The following UBOX5 variants were observed in gnomAD, a reference collection of about 807,000 sequenced individuals.
The protein encoded by UBOX5 is RING finger protein 37.
UBOX5 carries 28 observed loss-of-function variants against 39.0 expected under a neutral mutation model. The observed-to-expected ratio is 0.72, with a 90% CI of 0.53 to 0.98. The LOEUF (loss-of-function observed/expected upper bound fraction) is 0.98. Ranked by LOEUF, UBOX5 falls within the 50% of genes least tolerant of loss-of-function variation. The pLI is 0.00. For missense variants in UBOX5, 585 were observed against 674.4 expected (o/e 0.87, Z 1.47); for synonymous variants, 283 against 275.5 (o/e 1.03, Z -0.27).
chr20:3,110,133 G>C lies in UBOX5; in HGVS notation c.1599C>G (p.Ser533Arg). The C allele has an allele frequency of 6.2e-7, 1 of 1,612,610 alleles. No individual in the cohort carries two copies. Among genetic ancestry groups the C allele is most frequent in the Non-Finnish European group, 8.5e-7 (1 of 1,180,026 alleles). Residue 533 changes from serine to arginine, a missense_variant, in exon 5 of 5, where the codon AGC (serine) becomes AGG (arginine). Coordinates refer to ENST00000217173, the MANE Select transcript of UBOX5 (RefSeq NM_014948.4). ...TCTACQRPVA[S>R]QDVLRVHF is the part of the protein sequence containing the mutation. ...AGAAGTGGACCCGCAGCACGTCTTG[G>C]CTAGCAACCGGCCGCTGGCAGGCTG...
chr20:3,134,485 G>A (rs759678819), intron 1 of UBOX5, among the ~76,000 whole-genome samples: 1 of 151,676 alleles, frequency 6.6e-6, no homozygotes, highest in Middle Eastern at 3.2e-3. Flanking sequence ...TTGAACCCGG[G>A]AGGTGGAGGT....
Position 3,109,867 on chromosome 20 carries a change from CA to C in UBOX5, c.*238del, listed in dbSNP as rs1443096852. 1.7e-5 allele frequency: 10 copies of C among 583,160 alleles called. No individual in the cohort carries two copies. The highest frequency in any genetic ancestry group is 9.4e-5 in the African/African-American group (5 of 53,454). 36.1% of individuals were successfully genotyped at this position (583,160 alleles called of 1,614,324 possible). ...GGCTCCAGTGGGTCCTGGGCTCAGGCAGGGGGGGTGGCAGGGAGGCAGGGAC... is the reference window on the plus strand; with the variant it reads ...GGCTCCAGTGGGTCCTGGGCTCAGGCGGGGGGGTGGCAGGGAGGCAGGGAC... On this transcript the variant is annotated 3_prime_UTR_variant, in exon 5 of 5. Transcript: ENST00000217173.
chr20:3,135,126 T>C (rs1198970873), intron 1 of UBOX5, among the ~76,000 whole-genome samples: 2 of 152,182 alleles, frequency 1.3e-5, no homozygotes, highest in Non-Finnish European at 2.9e-5. Context: ...ATGCATTTCT[T>C]ATTGTGACTT....
At chr20:3,157,593 T>C (rs2066699598) in intron 1 of UBOX5, among the ~76,000 whole-genome samples, 1 of 152,202 alleles carries the variant, frequency 6.6e-6, no homozygotes, top group Admixed American at 6.5e-5. Flanking sequence ...GAGCTACTGC[T>C]TTTAAAGGGT....
chr20:3,119,086 T>C (rs1014087663), intron 3 of UBOX5, among the ~76,000 whole-genome samples: 1 of 152,194 alleles, frequency 6.6e-6, no homozygotes, highest in Admixed American at 6.5e-5. Flanking sequence ...ACAAATACCT[T>C]GGGAAAAATA....
At chr20:3,147,740 G>T in intron 1 of UBOX5, 1 of 1,614,172 alleles carries the variant, frequency 6.2e-7, no homozygotes, top group Non-Finnish European at 8.5e-7. Context: ...TGCATTGGGT[G>T]GCTTATAATT....
chr20:3,148,952 C>T lies in UBOX5; in HGVS notation c.-42+10814G>A, dbSNP rs1245364476. 29 of 1,614,054 alleles carry T rather than the reference C, an allele frequency of 1.8e-5. No homozygotes were observed. Among genetic ancestry groups the T allele is most frequent in the Non-Finnish European group, 2.1e-5 (25 of 1,180,058 alleles). On this transcript the variant is annotated intron_variant, in intron 1 of 4. Coordinates refer to ENST00000217173, the MANE Select transcript of UBOX5 (RefSeq NM_014948.4). Reference sequence around the variant, plus strand: ...GCTAATGTGTTCTGGAGGGTCCTGTCCCCCATGCTGTGTGCTGCTCACATT... The same window carrying T: ...GCTAATGTGTTCTGGAGGGTCCTGTTCCCCATGCTGTGTGCTGCTCACATT...
chr20:3,117,927 G>T (rs1171751900), intron 3 of UBOX5, among the ~76,000 whole-genome samples: 1 of 152,104 alleles, frequency 6.6e-6, no homozygotes, highest in Non-Finnish European at 1.5e-5. Context: ...GGGAGGCGGA[G>T]GTTGCAGTGA....
chr20:3,129,443 G>T (rs2066413611), intron 1 of UBOX5, among the ~76,000 whole-genome samples: 1 of 152,118 alleles, frequency 6.6e-6, no homozygotes, highest in African/African-American at 2.4e-5. Flanking sequence ...GGACATATCA[G>T]GTGATAACCA....
chr20:3,133,323 C>T (rs1318567229), intron 1 of UBOX5, among the ~76,000 whole-genome samples: 2 of 152,160 alleles, frequency 1.3e-5, no homozygotes, highest in African/African-American at 2.4e-5. Context: ...CCCAGAAAGA[C>T]GGCCTCCCTA....
intron 3 of UBOX5, among the ~76,000 whole-genome samples, chr20:3,119,757 G>A (rs948040054): frequency 1.3e-5 from 2 of 152,158 alleles, no homozygotes; most frequent in East Asian, 3.9e-4. Flanking sequence ...GGGAGGCTGA[G>A]GCAGGAGAAT....
At chr20:3,112,151 G>A (rs1226565264) in intron 4 of UBOX5, among the ~76,000 whole-genome samples, 1 of 151,804 alleles carries the variant, frequency 6.6e-6, no homozygotes, top group African/African-American at 2.4e-5. Flanking sequence ...GAATGAAGGT[G>A]GGGAGGGAGG....
chr20:3,123,431 AT>A, intron 1 of UBOX5, 25 bp from the exon 2 acceptor site: 1 of 1,492,182 alleles, frequency 6.7e-7, no homozygotes, highest in Non-Finnish European at 9.2e-7. Context: ...AAAACTATGT[AT>A]TAGAAAATGT....
intron 1 of UBOX5, chr20:3,148,197 G>A (rs760731320): frequency 9.9e-6 from 16 of 1,613,776 alleles, no homozygotes; most frequent in East Asian, 2.2e-5. Flanking sequence ...GATACCTGAC[G>A]ATTTTCACCT....
chr20:3,145,838 G>C (rs6037489), intron 1 of UBOX5, among the ~76,000 whole-genome samples: 3,735 of 152,220 alleles, frequency 0.025, 62 homozygotes, highest in Middle Eastern at 0.075. Flanking sequence ...CTGAGGTCAG[G>C]AGTGTGAGAC....
At chr20:3,148,606 T>C (rs762259637) in intron 1 of UBOX5, 1 of 1,614,170 alleles carries the variant, frequency 6.2e-7, no homozygotes, top group Non-Finnish European at 8.5e-7. Flanking sequence ...GGAGATTATT[T>C]TGATTAACTC....
At chr20:3,123,960 G>T (rs887441703) in intron 1 of UBOX5, among the ~76,000 whole-genome samples, 65 of 152,162 alleles carry the variant, frequency 4.3e-4, no homozygotes, top group African/African-American at 1.3e-3. Context: ...GGCTGAGGTG[G>T]TAGGACTGCT....
intron 1 of UBOX5, among the ~76,000 whole-genome samples, chr20:3,141,086 T>C (rs1444193181): frequency 6.6e-6 from 1 of 151,762 alleles, no homozygotes; most frequent in Admixed American, 6.6e-5. Context: ...GCCCGGCTAA[T>C]TTCTGTATTT....
chr20:3,151,686 T>C (rs2066626708), intron 1 of UBOX5: 1 of 151,774 alleles, frequency 6.6e-6, no homozygotes, highest in South Asian at 2.1e-4. Context: ...GGAAAAACTA[T>C]AGAAAAATAG....
Sources: gnomAD v4.1 joint callset for allele counts (sites outside exome capture counted in the v4.1 genomes callset) on GRCh38, gnomAD v4.1.1 for gene constraint, MANE v1.5 for transcripts, NCBI Gene and HGNC (gene_info 2026-07-23, HGNC 2026-07-21) for gene names.